The following MTHFD1L variants were observed in gnomAD, a reference collection of about 807,000 sequenced individuals.
MTHFD1L encodes monofunctional C1-tetrahydrofolate synthase, mitochondrial.
MTHFD1L carries 81 observed loss-of-function variants against 119.5 expected under a neutral mutation model. That is an observed-to-expected ratio of 0.68 (90% CI 0.57 to 0.82). The LOEUF (loss-of-function observed/expected upper bound fraction) is 0.82, where lower values mean the gene tolerates loss of function less well. Ranked by LOEUF, MTHFD1L falls within the 40% of genes least tolerant of loss-of-function variation. The pLI, the probability that MTHFD1L is intolerant of heterozygous loss-of-function variation, is 0.00. For missense variants in MTHFD1L, 1,125 were observed against 1,253.4 expected (o/e 0.90, Z 1.55); for synonymous variants, 430 against 475.2 (o/e 0.90, Z 1.24).
chr6:151,064,195 T>G (rs1790968851), intron 26 of MTHFD1L, among the ~76,000 whole-genome samples: 1 of 152,228 alleles, frequency 6.6e-6, no homozygotes, highest in Non-Finnish European at 1.5e-5. Context: ...CTCTTTATAA[T>G]CTCTGATTTC....
chr6:150,932,391 G>T (rs1263968753), intron 11 of MTHFD1L, among the ~76,000 whole-genome samples: 1 of 152,006 alleles, frequency 6.6e-6, no homozygotes, highest in African/African-American at 2.4e-5. Flanking sequence ...TCAGAGAGGG[G>T]GTACAGAAAT....
intron 12 of MTHFD1L, among the ~76,000 whole-genome samples, chr6:150,938,337 C>G (rs1312975339): frequency 6.6e-6 from 1 of 152,080 alleles, no homozygotes; most frequent in Non-Finnish European, 1.5e-5. Flanking sequence ...TTTTTTTAAA[C>G]AAAGTTTGCT....
At chr6:150,949,984 A>G (rs1263641735) in intron 16 of MTHFD1L, among the ~76,000 whole-genome samples, 7 of 152,206 alleles carry the variant, frequency 4.6e-5, no homozygotes, top group African/African-American at 1.7e-4. Context: ...TTCCTGGATT[A>G]TTCTTCTCAT....
Position 150,892,978 on chromosome 6 carries a change from G to A in MTHFD1L, c.780+4997G>A, listed in dbSNP as rs927736182. Among the ~76,000 whole-genome samples, 28 of 152,174 alleles carry A rather than the reference G, an allele frequency of 1.8e-4. 1 individual carries two copies. The highest frequency in any genetic ancestry group is 1.0e-3 in the Admixed American group (16 of 15,272). On this transcript the variant is annotated intron_variant, in intron 7 of 27. Coordinates refer to ENST00000367321, the MANE Select transcript of MTHFD1L (RefSeq NM_015440.5). ...ACCTAGGCATGGGTTAGTGTCCTGG[G>A]GCACCCAATCAGGACAGGACACCTG...
intron 26 of MTHFD1L, among the ~76,000 whole-genome samples, chr6:151,062,180 T>C (rs182372777): frequency 4.7e-4 from 72 of 152,182 alleles, no homozygotes; most frequent in Non-Finnish European, 9.4e-4. Flanking sequence ...CTCACGCCTG[T>C]AATCCCAGCA....
chr6:150,926,261 G>A lies in MTHFD1L; in HGVS notation c.1222G>A (p.Asp408Asn), dbSNP rs1259367690. The A allele has an allele frequency of 6.2e-7, 1 of 1,613,354 alleles. No homozygotes were observed. Among genetic ancestry groups the A allele is most frequent in the Admixed American group, 1.7e-5 (1 of 59,982 alleles). ...TTTGTCCGTGCTAGAAAGGTTAAAG[G>A]ATCAAGCAGATGGAAAATACGTCTT... ...VRLSVLERLK[D>N]QADGKYVLVA... The change falls in exon 11 of 28, where the codon GAT becomes AAT. Residue 408 changes from aspartate (D) to asparagine (N), a missense_variant. By Grantham distance (23) the Asp-to-Asn change is conservative. Around this residue, in one of 3 missense-constraint regions of MTHFD1L, gnomAD observed 1,058 missense variants for 1,151.2 expected, o/e 0.92. Transcript: ENST00000367321. The surrounding 1 kb of genome is among the most constrained non-coding windows in gnomAD (Gnocchi z 4.3).
chr6:150,928,452 A>ATC (rs1203835688), intron 11 of MTHFD1L, among the ~76,000 whole-genome samples: 3 of 151,282 alleles, frequency 2.0e-5, no homozygotes, highest in African/African-American at 7.3e-5. Flanking sequence ...AAAAAAAAAA[A>ATC]AAAAATCACC....
intron 20 of MTHFD1L, among the ~76,000 whole-genome samples, chr6:150,998,630 G>A (rs1361379196): frequency 1.3e-5 from 2 of 148,758 alleles, no homozygotes; most frequent in African/African-American, 2.5e-5. Flanking sequence ...CTCGTGTGGC[G>A]GGTTGCAGTC....
At chr6:150,877,605 T>C in intron 2 of MTHFD1L, 29 bp from the exon 3 acceptor site, 1 of 1,612,486 alleles carries the variant, frequency 6.2e-7, no homozygotes, top group South Asian at 1.1e-5. Flanking sequence ...GCTATTTTTA[T>C]GTTGTTATGT....
chr6:150,930,840 A>G (rs942964368), intron 11 of MTHFD1L, among the ~76,000 whole-genome samples: 1 of 152,208 alleles, frequency 6.6e-6, no homozygotes, highest in African/African-American at 2.4e-5. Flanking sequence ...GAACAGATTA[A>G]TTCTTTTAAA....
chr6:151,075,643 A>G (rs1271196915), intron 26 of MTHFD1L, among the ~76,000 whole-genome samples: 1 of 152,228 alleles, frequency 6.6e-6, no homozygotes, highest in African/African-American at 2.4e-5. Context: ...ACTCCACCCA[A>G]CAACAGCAGA....
chr6:150,960,202 G>C, intron 17 of MTHFD1L, 73 bp from the exon 18 acceptor site: 1 of 1,530,308 alleles, frequency 6.5e-7, no homozygotes, highest in Non-Finnish European at 8.8e-7. Flanking sequence ...CATGGCTGAA[G>C]TCCAGCTCCT....
At position 150,937,932 on chromosome 6, in the gene MTHFD1L, G is replaced by A. The variant is rs553959224; in HGVS notation, c.1394-767G>A. Among the ~76,000 whole-genome samples, 9 of 152,310 alleles carry A rather than the reference G, an allele frequency of 5.9e-5. No homozygotes were observed. In the South Asian group the frequency reaches 1.9e-3, roughly 32 times the overall value. On this transcript the variant is annotated intron_variant, in intron 12 of 27. Coordinates refer to ENST00000367321, the MANE Select transcript of MTHFD1L (RefSeq NM_015440.5). ...CAACATTTTGAGGGATACGCAGCATGACAAATCTCACATACTATTATCTGA... is the reference window on the plus strand; with the variant it reads ...CAACATTTTGAGGGATACGCAGCATAACAAATCTCACATACTATTATCTGA...
Position 151,005,757 on chromosome 6 carries a change from A to G in MTHFD1L, c.2126-4062A>G, listed in dbSNP as rs180991337. 3.3e-5 allele frequency among the ~76,000 whole-genome samples: 5 copies of G among 152,292 alleles called. No homozygotes were observed. In the East Asian group the frequency reaches 9.6e-4, roughly 29 times the overall value. Reference sequence around the variant, plus strand: ...CCATTGCACTCCAGCCTGGGCGACAAGAGTGAAACTCCGTTTCAAAAATAA... The same window carrying G: ...CCATTGCACTCCAGCCTGGGCGACAGGAGTGAAACTCCGTTTCAAAAATAA... On this transcript the variant is annotated intron_variant, in intron 20 of 27. Coordinates refer to ENST00000367321, the MANE Select transcript of MTHFD1L (RefSeq NM_015440.5).
Position 151,084,922 on chromosome 6 carries a change from G to A in MTHFD1L, c.2848-7545G>A, listed in dbSNP as rs1332079600. 6.8e-5 allele frequency among the ~76,000 whole-genome samples: 10 copies of A among 147,176 alleles called. No homozygotes were observed. In the East Asian group the frequency reaches 1.0e-3, roughly 15 times the overall value. On this transcript the variant is annotated intron_variant, in intron 26 of 27. Transcript: ENST00000367321. ...GTGGAGCTTGCAGTGAGCCGAGATC[G>A]CGCCACTGCACTCCAGCCTGGGTGA...
chr6:150,902,039 G>T (rs1417044504), intron 7 of MTHFD1L, among the ~76,000 whole-genome samples: 1 of 151,882 alleles, frequency 6.6e-6, no homozygotes, highest in African/African-American at 2.4e-5. Context: ...GATATGAACT[G>T]TTTCAAAACA....
intron 26 of MTHFD1L, among the ~76,000 whole-genome samples, chr6:151,078,073 A>AAC (rs1792754632): frequency 6.6e-6 from 1 of 151,214 alleles, no homozygotes; most frequent in South Asian, 2.1e-4. Context: ...AAAAAAAAAA[A>AAC]ATCAAGGAAA....
At chr6:150,905,807 GT>G in intron 8 of MTHFD1L, 46 bp downstream of exon 8, 1 of 1,403,428 alleles carries the variant, frequency 7.1e-7, no homozygotes, top group East Asian at 2.3e-5. Context: ...AGGTCAGATA[GT>G]TCAAAGAAAT....
chr6:150,973,620 A>T (rs1159778804), intron 20 of MTHFD1L, among the ~76,000 whole-genome samples: 1 of 152,224 alleles, frequency 6.6e-6, no homozygotes, highest in Non-Finnish European at 1.5e-5. Flanking sequence ...ACCAGTTCTT[A>T]CTTTGTCAAA....
Sources: gnomAD v4.1 joint callset for allele counts (sites outside exome capture counted in the v4.1 genomes callset) on GRCh38, gnomAD v4.1.1 for gene constraint, gnomAD v4.1.1 regional missense constraint, Gnocchi (gnomAD v3.1) non-coding constraint, MANE v1.5 for transcripts, NCBI Gene and HGNC (gene_info 2026-07-23, HGNC 2026-07-21) for gene names.